Variants in COG5 observed in about 807,000 individuals in gnomAD.
COG5 encodes the protein conserved oligomeric Golgi complex subunit 5.
Under a neutral mutation model 110.4 loss-of-function variants are expected in COG5, and 86 were observed. The observed-to-expected ratio is 0.78, with a 90% CI of 0.65 to 0.93. COG5 has a LOEUF of 0.93. Ranked by LOEUF, COG5 falls within the 40% of genes least tolerant of loss-of-function variation. The pLI is 0.00. For synonymous variants in COG5, 360 were observed against 334.6 expected, an observed-to-expected ratio of 1.08 and a Z score of -0.83; for missense variants, 1,077 against 987.0, an observed-to-expected ratio of 1.09 and a Z score of -1.22.
chr7:107,545,649 G>A (rs556447887), intron 5 of COG5, among the ~76,000 whole-genome samples: 17 of 151,638 alleles, frequency 1.1e-4, no homozygotes, highest in South Asian at 8.3e-4. Flanking sequence ...GCGTGGTGGC[G>A]GGCACCTGTA....
chr7:107,386,457 G>A (rs890068779), intron 7 of COG5, among the ~76,000 whole-genome samples: 2 of 152,126 alleles, frequency 1.3e-5, no homozygotes, highest in Admixed American at 6.5e-5. Context: ...TGTGAGGAAC[G>A]CTGCGGAGGA....
At chr7:107,289,689 T>G (rs1190336567) in intron 12 of COG5, among the ~76,000 whole-genome samples, 1 of 152,204 alleles carries the variant, frequency 6.6e-6, no homozygotes, top group Non-Finnish European at 1.5e-5. Context: ...ATTTTACAGT[T>G]TTATGAGTAT....
rs1798311459 is a variant in COG5 at position 107,201,571 on chromosome 7, T to TTTAA, written c.*1941_*1944dup. 4.2e-6 allele frequency: 2 copies of TTTAA among 477,276 alleles called. No individual in the cohort carries two copies. The highest frequency in any genetic ancestry group is 7.7e-6 in the Non-Finnish European group (2 of 258,810). 29.6% of individuals were successfully genotyped at this position (477,276 alleles called of 1,614,324 possible). A position where few individuals can be genotyped will look rare whatever the true frequency, so the allele number is the denominator to read the frequency against. On this transcript the variant is annotated 3_prime_UTR_variant, in exon 22 of 22. Transcript: ENST00000297135. ...CTGATAGCATTGAGTCTTGAAATGA[T>TTTAA]TTAATAATATGAGTGAGGATTTGCT... is the stretch of plus-strand genomic sequence containing the variant.
chr7:107,255,765 G>C (rs931499544), intron 16 of COG5, among the ~76,000 whole-genome samples: 5 of 152,072 alleles, frequency 3.3e-5, no homozygotes, highest in African/African-American at 1.2e-4. Context: ...CATATAGCTG[G>C]TTAAATAGCT....
Position 107,475,919 on chromosome 7 carries a change from T to TA in COG5, c.538+51317dup, listed in dbSNP as rs144055991. ...GTATGAAGCTTTATTCTTTTAAATG[T>TA]AAAAAATCATAGAATTTATCAAAAT... On this transcript the variant is annotated intron_variant, in intron 6 of 21. Transcript: ENST00000297135. Among the ~76,000 whole-genome samples, 529 of 151,416 alleles carry TA rather than the reference T, an allele frequency of 3.5e-3. 3 individuals carry two copies. Among genetic ancestry groups the TA allele is most frequent in the African/African-American group, 0.012 (500 of 41,404 alleles).
chr7:107,525,553 CTT>C (rs11465057), intron 6 of COG5, among the ~76,000 whole-genome samples: 1 of 146,310 alleles, frequency 6.8e-6, no homozygotes, highest in African/African-American at 2.5e-5. Flanking sequence ...TTAAAGTTAA[CTT>C]TTTTTTTTTT....
At position 107,201,753 on chromosome 7, in the gene COG5, CAT is replaced by C. The variant is rs772552151; in HGVS notation, c.*1761_*1762del. On this transcript the variant is annotated 3_prime_UTR_variant, in exon 22 of 22. Transcript: ENST00000297135. ...AGTAGAAAGAGAGGAGAAGTGTATA[CAT>C]GTTTTATTTTAAATTGTACGAAAGG... The C allele has an allele frequency of 1.6e-5, 4 of 254,656 alleles. No individual in the cohort carries two copies. Among genetic ancestry groups the C allele is most frequent in the Admixed American group, 5.3e-5 (1 of 18,798 alleles). The allele number at this position is 254,656 out of a possible 1,614,324, so 15.8% of individuals were successfully genotyped here. A position where few individuals can be genotyped will look rare whatever the true frequency, so the allele number is the denominator to read the frequency against.
At chr7:107,342,319 A>G (rs1308660821) in intron 10 of COG5, among the ~76,000 whole-genome samples, 2 of 151,534 alleles carry the variant, frequency 1.3e-5, no homozygotes, top group Non-Finnish European at 2.9e-5. Flanking sequence ...CCACAATGAG[A>G]TAACAGTCAG....
At chr7:107,330,545 T>C (rs1222786715) in intron 10 of COG5, among the ~76,000 whole-genome samples, 1 of 152,194 alleles carries the variant, frequency 6.6e-6, no homozygotes, top group Admixed American at 6.5e-5. Context: ...AAATTGACCA[T>C]GGATTTCCTG....
chr7:107,230,588 A>C, intron 19 of COG5, 27 bp downstream of exon 19: 3 of 1,515,274 alleles, frequency 2.0e-6, no homozygotes, highest in Non-Finnish European at 2.8e-6. Flanking sequence ...GAGGATATGA[A>C]TGTATGAACA....
intron 21 of COG5, chr7:107,209,996 T>C: frequency 2.0e-6 from 2 of 994,248 alleles, no homozygotes; most frequent in Non-Finnish European, 2.4e-6. Context: ...TTGGGGTACA[T>C]GGGGGTGTGT....
chr7:107,249,690 TTGTGTG>T (rs57572752), intron 16 of COG5, among the ~76,000 whole-genome samples: 14,666 of 131,516 alleles, frequency 0.11, 788 homozygotes, highest in East Asian at 0.16. Context: ...ACGTACAGGA[TTGTGTG>T]TGTGTGTGTG....
chr7:107,368,152 AT>A (rs1270501190), intron 8 of COG5, among the ~76,000 whole-genome samples: 6 of 151,760 alleles, frequency 4.0e-5, no homozygotes, highest in Admixed American at 3.3e-4. Flanking sequence ...TCAATTTCTT[AT>A]TTTTTTTAAA....
chr7:107,226,552 G>A (rs1800354345), intron 19 of COG5, among the ~76,000 whole-genome samples: 1 of 152,202 alleles, frequency 6.6e-6, no homozygotes, highest in Non-Finnish European at 1.5e-5. Context: ...ACATGGGTAA[G>A]CTTTCTCAAG....
At chr7:107,495,991 A>G (rs1798250524) in intron 6 of COG5, among the ~76,000 whole-genome samples, 1 of 151,356 alleles carries the variant, frequency 6.6e-6, no homozygotes. Flanking sequence ...TATTCTGCTC[A>G]GGCTGGTCTT....
At chr7:107,249,690 T>TTGTGTCTGTGTGTG (rs1247487439) in intron 16 of COG5, among the ~76,000 whole-genome samples, 1 of 131,658 alleles carries the variant, frequency 7.6e-6, no homozygotes, top group Admixed American at 7.7e-5. Flanking sequence ...ACGTACAGGA[T>TTGTGTCTGTGTGTG]TGTGTGTGTG....
At chr7:107,258,521 G>A in intron 14 of COG5, 138 bp from the exon 15 acceptor site, 1 of 687,498 alleles carries the variant, frequency 1.5e-6, no homozygotes, top group Non-Finnish European at 2.7e-6. Flanking sequence ...CTGACAAAGA[G>A]AATGTTAACT....
intron 6 of COG5, among the ~76,000 whole-genome samples, chr7:107,516,195 G>A (rs2129148001): frequency 6.6e-6 from 1 of 152,228 alleles, no homozygotes. Flanking sequence ...TAAGATAATA[G>A]TATACTTTTC....
intron 6 of COG5, among the ~76,000 whole-genome samples, chr7:107,449,056 T>C (rs1795175499): frequency 6.6e-6 from 1 of 152,132 alleles, no homozygotes; most frequent in South Asian, 2.1e-4. Flanking sequence ...AAATCATCAC[T>C]GCACAAAATT....
Sources: gnomAD v4.1 joint callset for allele counts (sites outside exome capture counted in the v4.1 genomes callset) on GRCh38, gnomAD v4.1.1 for gene constraint, MANE v1.5 for transcripts, NCBI Gene and HGNC (gene_info 2026-07-23, HGNC 2026-07-21) for gene names.